The following RGSL1 variants were observed in gnomAD, a reference collection of about 807,000 sequenced individuals.
The protein encoded by RGSL1 is regulator of G protein signaling protein-like.
Under a neutral mutation model 124.7 loss-of-function variants are expected in RGSL1, and 97 were observed. That is an observed-to-expected ratio of 0.78 (90% CI 0.66 to 0.92). RGSL1 has a LOEUF of 0.92. RGSL1 is among the 40% of genes least tolerant of loss of function. The pLI is 0.00. For missense variants in RGSL1, 1,233 were observed against 1,288.4 expected (o/e 0.96, Z 0.66); for synonymous variants, 424 against 438.1 (o/e 0.97, Z 0.40).
At chr1:182,500,031 G>C (rs1403273916) in intron 9 of RGSL1, among the ~76,000 whole-genome samples, 1 of 152,110 alleles carries the variant, frequency 6.6e-6, no homozygotes, top group East Asian at 1.9e-4. Context: ...AGTCCAATTT[G>C]TGTTTTCTTT....
In RGSL1 at chr1:182,492,256, G is replaced by A. The variant is rs567268390; in HGVS notation, c.1718-766G>A. On this transcript the variant is annotated intron_variant, in intron 8 of 21. Transcript: ENST00000294854. ...TGCCCGCACTTCGGGAGGCCAAGGC[G>A]GGAGTATCGCTAGAATCTAGGAGTT... 1.4e-4 allele frequency among the ~76,000 whole-genome samples: 21 copies of A among 152,254 alleles called. No individual in the cohort carries two copies. The South Asian group carries it at 2.1e-3, about 15-fold the overall frequency.
intron 4 of RGSL1, among the ~76,000 whole-genome samples, chr1:182,471,747 T>G (rs531859099): frequency 7.2e-5 from 11 of 152,118 alleles, no homozygotes; most frequent in Non-Finnish European, 1.5e-4. Context: ...ATCCCTGTAG[T>G]GGGAGTGATG....
chr1:182,516,177 A>G (rs986369248), intron 9 of RGSL1, among the ~76,000 whole-genome samples: 1 of 152,194 alleles, frequency 6.6e-6, no homozygotes, highest in Non-Finnish European at 1.5e-5. Context: ...CTTTACCCAC[A>G]GGAAAGAGAG....
intron 8 of RGSL1, among the ~76,000 whole-genome samples, chr1:182,490,964 C>T (rs1433136354): frequency 3.5e-5 from 5 of 142,310 alleles, no homozygotes; most frequent in African/African-American, 2.6e-5. Context: ...AATCACAGCT[C>T]ACTGCAGCCA....
At chr1:182,487,134 G>A (rs1655154403) in intron 6 of RGSL1, among the ~76,000 whole-genome samples, 1 of 152,064 alleles carries the variant, frequency 6.6e-6, no homozygotes, top group African/African-American at 2.4e-5. Context: ...GAACTGAATT[G>A]TCTCAGGAAT....
chr1:182,464,782 A>G (rs1379666554), intron 4 of RGSL1, among the ~76,000 whole-genome samples: 1 of 151,926 alleles, frequency 6.6e-6, no homozygotes, highest in East Asian at 1.9e-4. Flanking sequence ...AAAAAAGACT[A>G]TAGATCACTA....
chr1:182,471,375 C>T, intron 4 of RGSL1: 1 of 457,478 alleles, frequency 2.2e-6, no homozygotes. Flanking sequence ...TCCTACCTCA[C>T]AGGCAGTGCA....
intron 11 of RGSL1, among the ~76,000 whole-genome samples, chr1:182,528,849 G>A (rs116676629): frequency 0.021 from 3,262 of 152,206 alleles, 51 homozygotes; most frequent in Middle Eastern, 0.058. Context: ...TTTAATTGAC[G>A]CACAGTTCCA....
intron 15 of RGSL1, 29 bp from the exon 16 acceptor site, chr1:182,548,288 T>A: frequency 6.4e-7 from 1 of 1,551,532 alleles, no homozygotes; most frequent in Non-Finnish European, 8.7e-7. Flanking sequence ...CTTCTCCTCC[T>A]GATTTCCTAC....
At chr1:182,548,610 G>A (rs1660368519) in intron 16 of RGSL1, 90 bp from the exon 17 acceptor site, 10 of 1,523,148 alleles carry the variant, frequency 6.6e-6, no homozygotes, top group South Asian at 5.0e-5. Context: ...CTTTTGGAGA[G>A]GGGGTGGTCA....
intron 9 of RGSL1, among the ~76,000 whole-genome samples, chr1:182,505,381 G>GT (rs970351760): frequency 2.7e-5 from 1 of 37,338 alleles, no homozygotes; most frequent in Non-Finnish European, 6.2e-5. Context: ...GAGATTGGTG[G>GT]TGGGGGTATG....
At chr1:182,534,382 T>A (rs1659397422) in intron 14 of RGSL1, among the ~76,000 whole-genome samples, 1 of 152,228 alleles carries the variant, frequency 6.6e-6, no homozygotes, top group Non-Finnish European at 1.5e-5. Context: ...GAGTTGAGCA[T>A]CTTTATTTAT....
Position 182,472,522 on chromosome 1 carries a change from G to T in RGSL1, c.428G>T (p.Gly143Val), listed in dbSNP as rs943749693. The T allele has an allele frequency of 3.9e-6, 6 of 1,547,598 alleles. No individual in the cohort carries two copies. The highest frequency in any genetic ancestry group is 4.4e-6 in the Non-Finnish European group (5 of 1,144,612). The stretch of plus-strand genomic sequence containing the variant: ...CTGAGGGCCACTCATCTGCAGGAGG[G>T]CTCCAGGGTGGTAACCCTCTGTAAC... Reference protein sequence around the residue: ...LMLRATHLQEGSRVVTLCNMN... With the variant: ...LMLRATHLQEVSRVVTLCNMN... Residue 143 changes from glycine (G) to valine (V), a missense_variant, in exon 5 of 22, where the codon GGC becomes GTC. Transcript: ENST00000294854.
intron 9 of RGSL1, among the ~76,000 whole-genome samples, chr1:182,516,233 C>T (rs1463785698): frequency 4.0e-5 from 6 of 151,800 alleles, no homozygotes; most frequent in Non-Finnish European, 8.8e-5. Flanking sequence ...AGCAGAAATG[C>T]CTGTTCCCAT....
chr1:182,530,619 G>A (rs1042086587), intron 12 of RGSL1, among the ~76,000 whole-genome samples, 171 bp from the exon 13 acceptor site: 3 of 151,678 alleles, frequency 2.0e-5, no homozygotes, highest in Admixed American at 6.6e-5. Flanking sequence ...AGGAAGGTTA[G>A]GTTGACATTA....
At chr1:182,490,240 G>T (rs1358525792) in intron 8 of RGSL1, among the ~76,000 whole-genome samples, 2 of 152,156 alleles carry the variant, frequency 1.3e-5, no homozygotes, top group African/African-American at 2.4e-5. Flanking sequence ...TGAAAATTCA[G>T]TTATACCATT....
intron 13 of RGSL1, among the ~76,000 whole-genome samples, chr1:182,532,237 C>T (rs1410522406): frequency 6.6e-6 from 1 of 152,006 alleles, no homozygotes; most frequent in African/African-American, 2.4e-5. Flanking sequence ...ATTATATTTT[C>T]TTTTTTAAGT....
chr1:182,454,374 C>A (rs1236408013), intron 2 of RGSL1, among the ~76,000 whole-genome samples: 1 of 152,162 alleles, frequency 6.6e-6, no homozygotes, highest in Non-Finnish European at 1.5e-5. Context: ...CCCTGGCATT[C>A]CCCCACCTCT....
At position 182,530,821 on chromosome 1, in the gene RGSL1, C is replaced by T. The variant is rs144974547; in HGVS notation, c.2275C>T (p.His759Tyr). The T allele has an allele frequency of 1.9e-3, 2,885 of 1,549,984 alleles. 35 individuals carry two copies. The African/African-American group carries it at 0.023, about 12-fold the overall frequency. Residue 759 changes from histidine (H) to tyrosine (Y), a missense_variant, in exon 13 of 22, where the codon CAC becomes TAC. Transcript: ENST00000294854. ...FKDYQDLFPPHHQEVEVQSEV... is the reference protein window; with the variant it reads ...FKDYQDLFPPYHQEVEVQSEV... ...AGATTATCAAGACCTGTTCCCACCT[C>T]ACCATCAGGAGGTGGAAGTGCAAAG...
Sources: gnomAD v4.1 joint callset for allele counts (sites outside exome capture counted in the v4.1 genomes callset) on GRCh38, gnomAD v4.1.1 for gene constraint, MANE v1.5 for transcripts, NCBI Gene and HGNC (gene_info 2026-07-23, HGNC 2026-07-21) for gene names.